WDR49: variants seen among roughly 807,000 people sequenced by gnomAD.
The protein encoded by WDR49 is WD repeat domain 49.
A neutral mutation model predicts 119.5 loss-of-function variants in WDR49; 107 were observed. The ratio of observed to expected loss-of-function variants is 0.90; its 90% confidence interval spans 0.77 to 1.05. The LOEUF (loss-of-function observed/expected upper bound fraction) is 1.05. WDR49 is among the 50% of genes least tolerant of loss of function. WDR49 has a pLI of 0.00. For synonymous variants in WDR49, 425 were observed against 418.8 expected (o/e 1.01, Z -0.18); for missense variants, 1,240 against 1,220.5 (o/e 1.02, Z -0.24).
At chr3:167,481,559 CAT>C (rs1385109688) in intron 18 of WDR49, among the ~76,000 whole-genome samples, 2 of 151,884 alleles carry the variant, frequency 1.3e-5, no homozygotes, top group Non-Finnish European at 2.9e-5. Flanking sequence ...GATCAACAAA[CAT>C]ATAATTAGAG....
chr3:167,571,908 G>T (rs1029959244), intron 8 of WDR49, among the ~76,000 whole-genome samples: 5 of 152,066 alleles, frequency 3.3e-5, no homozygotes, highest in Non-Finnish European at 7.4e-5. Flanking sequence ...TGTGTCCAAG[G>T]TTCCCAACAA....
intron 8 of WDR49, among the ~76,000 whole-genome samples, chr3:167,565,024 A>G (rs1427788489): frequency 6.6e-6 from 1 of 152,072 alleles, no homozygotes; most frequent in Non-Finnish European, 1.5e-5. Flanking sequence ...TTATGGTCCT[A>G]TAATATAAAA....
At chr3:167,557,003 TGACA>T (rs1348078835) in intron 9 of WDR49, among the ~76,000 whole-genome samples, 2 of 151,582 alleles carry the variant, frequency 1.3e-5, no homozygotes, top group Non-Finnish European at 2.9e-5. Context: ...CTAGCCTGAG[TGACA>T]GAGTGAGACT....
intron 8 of WDR49, among the ~76,000 whole-genome samples, 153 bp from the exon 9 acceptor site, chr3:167,560,381 A>G (rs919188779): frequency 6.6e-6 from 1 of 152,228 alleles, no homozygotes; most frequent in Non-Finnish European, 1.5e-5. Context: ...TATTAAGCTG[A>G]TAACATTTCA....
intron 18 of WDR49, among the ~76,000 whole-genome samples, chr3:167,479,806 T>C (rs1047836379): frequency 6.6e-6 from 1 of 152,086 alleles, no homozygotes; most frequent in Non-Finnish European, 1.5e-5. Flanking sequence ...GCTTTAAGAA[T>C]TAGGTACTTA....
rs772590201 is a variant in WDR49, at chr3:167,560,055, T to C, written c.1674+9A>G. 2 of 1,613,806 alleles carry C rather than the reference T, an allele frequency of 1.2e-6. No homozygotes were observed. The highest frequency in any genetic ancestry group is 1.3e-5 in the African/African-American group (1 of 74,930). On this transcript the variant is annotated intron_variant, in intron 9 of 18. Coordinates refer to ENST00000682715, the MANE Select transcript of WDR49 (RefSeq NM_001366157.1). ...ATATCTGGATAGAAAAGCATCATTG[T>C]GTTCGCACCTTTACAGTCCCATCTG...
Position 167,494,836 on chromosome 3 carries a change from G to A in WDR49, c.3031+5317C>T, listed in dbSNP as rs1211100037. 3.9e-5 allele frequency among the ~76,000 whole-genome samples: 6 copies of A among 152,152 alleles called. No homozygotes were observed. The East Asian group carries it at 1.2e-3, about 29-fold the overall frequency. On this transcript the variant is annotated intron_variant, in intron 18 of 18. Transcript: ENST00000682715. ...GACTGTGGATTGGACTGAAAATGCA[G>A]AGTAATGTTTTCTGCAGTTTTGCAG...
chr3:167,567,240 A>G (rs1713658952), intron 8 of WDR49, among the ~76,000 whole-genome samples: 1 of 152,182 alleles, frequency 6.6e-6, no homozygotes, highest in African/African-American at 2.4e-5. Context: ...GTTTTCTGGC[A>G]CTGCTTCTTC....
chr3:167,628,515 T>C (rs1431262145), intron 2 of WDR49, among the ~76,000 whole-genome samples: 2 of 152,246 alleles, frequency 1.3e-5, no homozygotes, highest in East Asian at 3.9e-4. Context: ...CAACATTCCT[T>C]TAAGCCAAAA....
intron 5 of WDR49, among the ~76,000 whole-genome samples, chr3:167,605,589 G>T (rs988662098): frequency 6.6e-6 from 1 of 152,126 alleles, no homozygotes; most frequent in Non-Finnish European, 1.5e-5. Flanking sequence ...ACATCATAAA[G>T]TGATAAATTG....
intron 13 of WDR49, among the ~76,000 whole-genome samples, chr3:167,530,461 A>G (rs1752806626): frequency 6.6e-6 from 1 of 152,158 alleles, no homozygotes; most frequent in African/African-American, 2.4e-5. Context: ...CAACAAGGAA[A>G]AAATTAAGCA....
At chr3:167,558,692 A>G (rs1713091407) in intron 9 of WDR49, among the ~76,000 whole-genome samples, 2 of 152,192 alleles carry the variant, frequency 1.3e-5, no homozygotes, top group Non-Finnish European at 2.9e-5. Flanking sequence ...TATTGCAAAG[A>G]TCTGAATGTC....
intron 18 of WDR49, among the ~76,000 whole-genome samples, chr3:167,498,127 A>G (rs1338174468): frequency 3.3e-5 from 5 of 152,096 alleles, no homozygotes; most frequent in Admixed American, 3.3e-4. Context: ...GGCATGAGCC[A>G]CCGCGCCCAG....
At chr3:167,499,631 T>C (rs9826232) in intron 18 of WDR49, among the ~76,000 whole-genome samples, 49,730 of 152,080 alleles carry the variant, frequency 0.33, 8,306 homozygotes, top group East Asian at 0.47. Context: ...TTGTACATCT[T>C]GTTTCTATAT....
chr3:167,576,909 A>G (rs182782143), intron 7 of WDR49, among the ~76,000 whole-genome samples: 141 of 152,128 alleles, frequency 9.3e-4, no homozygotes, highest in African/African-American at 3.2e-3. Flanking sequence ...GTGTAGATAC[A>G]TGTATCTATA....
chr3:167,561,817 T>C (rs1408833436), intron 8 of WDR49, among the ~76,000 whole-genome samples: 1 of 152,132 alleles, frequency 6.6e-6, no homozygotes, highest in Non-Finnish European at 1.5e-5. Context: ...GCTAATAATG[T>C]CCCCAAACTT....
At chr3:167,569,294 T>C (rs1713793053) in intron 8 of WDR49, among the ~76,000 whole-genome samples, 2 of 152,334 alleles carry the variant, frequency 1.3e-5, no homozygotes, top group East Asian at 1.9e-4. Flanking sequence ...TCTTTTTGTT[T>C]ACATTTCTCT....
intron 10 of WDR49, among the ~76,000 whole-genome samples, chr3:167,539,117 A>G (rs558272813): frequency 1.3e-5 from 2 of 152,328 alleles, no homozygotes; most frequent in African/African-American, 4.8e-5. Flanking sequence ...TTTTGCTCAA[A>G]AAGTTTAAGG....
intron 10 of WDR49, among the ~76,000 whole-genome samples, chr3:167,552,240 A>G (rs566893847): frequency 2.6e-5 from 4 of 152,230 alleles, no homozygotes; most frequent in East Asian, 3.9e-4. Flanking sequence ...ACACTCTGAA[A>G]GGTTTTAAGC....
Sources: allele counts gnomAD v4.1 joint callset (sites outside exome capture counted in the v4.1 genomes callset), GRCh38; gene constraint gnomAD v4.1.1; transcripts MANE v1.5; gene names NCBI Gene and HGNC (gene_info 2026-07-23, HGNC 2026-07-21).